DLG5: variants seen among roughly 807,000 people sequenced by gnomAD.
DLG5 encodes the protein disks large homolog 5.
Under a neutral mutation model 189.8 loss-of-function variants are expected in DLG5, and 48 were observed. That is an observed-to-expected ratio of 0.25 (90% CI 0.20 to 0.32). DLG5 has a LOEUF of 0.32. DLG5 is among the 10% of genes least tolerant of loss of function. The probability of loss-of-function intolerance (pLI) is 1.00; values close to 1 mark genes in which losing one functional copy is unlikely to be tolerated. For synonymous variants in DLG5, 1,016 were observed against 1,054.1 expected (o/e 0.96, Z 0.70); for missense variants, 2,160 against 2,544.7 (o/e 0.85, Z 3.25).
At chr10:77,804,176 G>A (rs192613802) in intron 27 of DLG5, among the ~76,000 whole-genome samples, 212 of 152,270 alleles carry the variant, frequency 1.4e-3, no homozygotes, top group Admixed American at 6.2e-3. Context: ...ACAGGCATGC[G>A]CCACCATGCC....
At chr10:77,864,464 TCAG>T (rs1844595712) in intron 2 of DLG5, among the ~76,000 whole-genome samples, 1 of 151,842 alleles carries the variant, frequency 6.6e-6, no homozygotes. Context: ...CACCTACAAC[TCAG>T]GACACCCAGA....
intron 5 of DLG5, among the ~76,000 whole-genome samples, chr10:77,844,806 G>T (rs1843603094): frequency 6.6e-6 from 1 of 152,240 alleles, no homozygotes; most frequent in South Asian, 2.1e-4. Context: ...GGCTGAAGAG[G>T]CTTCTTGAAG....
chr10:77,844,441 A>G (rs1843584651), intron 5 of DLG5, among the ~76,000 whole-genome samples: 1 of 152,198 alleles, frequency 6.6e-6, no homozygotes, highest in Non-Finnish European at 1.5e-5. Context: ...TACATACTGA[A>G]TCTTTTGAGT....
chr10:77,855,742 A>T (rs994899640), intron 3 of DLG5, among the ~76,000 whole-genome samples: 1 of 152,262 alleles, frequency 6.6e-6, no homozygotes, highest in Non-Finnish European at 1.5e-5. Context: ...CAGCTCTGGC[A>T]TAATCCCAGA....
At chr10:77,865,971 C>G (rs974116421) in intron 2 of DLG5, among the ~76,000 whole-genome samples, 3 of 152,182 alleles carry the variant, frequency 2.0e-5, no homozygotes, top group Non-Finnish European at 2.9e-5. Flanking sequence ...TTTTCCCAGC[C>G]GTTTCCATTT....
At chr10:77,867,921 A>C (rs990399132) in intron 2 of DLG5, 1 of 456,612 alleles carries the variant, frequency 2.2e-6, no homozygotes, top group East Asian at 6.9e-5. Flanking sequence ...CCTTATTAAA[A>C]GGGGAAATTT....
rs181466292 is a variant in DLG5 at position 77,894,047 on chromosome 10, G to C, written c.305-24850C>G. 2.0e-5 allele frequency among the ~76,000 whole-genome samples: 3 copies of C among 152,344 alleles called. No homozygotes were observed. In the East Asian group the frequency reaches 5.8e-4, roughly 29 times the overall value. ...GGAAGGCCTCACATAGGAAGCTGTG[G>C]GTGGAAGATGGTGCGTTTCTACTGC... On this transcript the variant is annotated intron_variant, in intron 1 of 31. Transcript: ENST00000372391.
chr10:77,938,171 T>C, the DLG5 span, among the ~76,000 whole-genome samples: 2 of 152,014 alleles, frequency 1.3e-5, no homozygotes, highest in Non-Finnish European at 2.9e-5. Context: ...AGGCAGGGCA[T>C]GGTGGCTCAT....
chr10:77,850,288 T>G (rs1260819118), intron 5 of DLG5, among the ~76,000 whole-genome samples: 13 of 152,232 alleles, frequency 8.5e-5, no homozygotes, highest in Admixed American at 8.5e-4. Context: ...TTCATGTACC[T>G]GGAATCATAG....
chr10:77,794,243 T>G, intron 30 of DLG5, 126 bp from the exon 31 acceptor site: 2 of 763,310 alleles, frequency 2.6e-6, no homozygotes, highest in Non-Finnish European at 4.4e-6. Context: ...CCCCATGTGC[T>G]CCCCACATAA....
In DLG5 at chr10:77,916,354, G is replaced by T. The variant is rs543569721; in HGVS notation, c.304+9863C>A. ...TGCCCAGGCTGGAGTGAAATGGCAC[G>T]ATCTCAGCTAACTGCAGCCTCTGCC... On this transcript the variant is annotated intron_variant, in intron 1 of 31. Coordinates refer to ENST00000372391, the MANE Select transcript of DLG5 (RefSeq NM_004747.4). Among the ~76,000 whole-genome samples, 10 of 151,840 alleles carry T rather than the reference G, an allele frequency of 6.6e-5. No homozygotes were observed. The South Asian group carries it at 2.1e-3, about 32-fold the overall frequency.
At chr10:77,933,745 T>C in the DLG5 span, among the ~76,000 whole-genome samples, 348 of 150,080 alleles carry the variant, frequency 2.3e-3, 4 homozygotes, top group African/African-American at 8.1e-3. Context: ...TTGCGTTTCT[T>C]TTCTATATTC....
intron 20 of DLG5, 82 bp downstream of exon 20, chr10:77,816,469 T>G: frequency 1.3e-6 from 2 of 1,596,628 alleles, no homozygotes; most frequent in Non-Finnish European, 1.7e-6. Context: ...ACTAAGCCCC[T>G]TCCCTGCAGA....
chr10:77,835,961 G>A lies in DLG5; in HGVS notation c.1438-39C>T, dbSNP rs751287993. ...GGGGCAGGAAGAGGGAGAGGTTGCT[G>A]AGCCTCATGGACCAGGAGCGCCTCC... On this transcript the variant is annotated intron_variant, in intron 7 of 31. Coordinates refer to ENST00000372391, the MANE Select transcript of DLG5 (RefSeq NM_004747.4). 21 of 1,584,088 alleles carry A rather than the reference G, an allele frequency of 1.3e-5. No individual in the cohort carries two copies. In the South Asian group the frequency reaches 2.2e-4, roughly 16 times the overall value.
At chr10:77,860,597 G>A (rs1477924131) in intron 2 of DLG5, among the ~76,000 whole-genome samples, 3 of 152,134 alleles carry the variant, frequency 2.0e-5, no homozygotes, top group Non-Finnish European at 4.4e-5. Context: ...CACTGCACCC[G>A]GCCATGCCTG....
chr10:77,835,836 C>A lies in DLG5; in HGVS notation c.1524G>T (p.Glu508Asp). 1 of 1,614,132 alleles carries A rather than the reference C, an allele frequency of 6.2e-7. No individual in the cohort carries two copies. The highest frequency in any genetic ancestry group is 8.5e-7 in the Non-Finnish European group (1 of 1,179,996). ...CCGCCTCCTGGAGGGCTTCCTTCAG[C>A]TCCTGGCACAGAGCCTTGCACTGCT... ...LRKQCKALCQ[E>D]LKEALQEADV... Residue 508 changes from glutamate (E) to aspartate (D), a missense_variant, in exon 8 of 32, where the codon GAG (glutamate) becomes GAT (aspartate). Coordinates refer to ENST00000372391, the MANE Select transcript of DLG5 (RefSeq NM_004747.4).
At chr10:77,804,875 T>C (rs1841392391) in intron 27 of DLG5, among the ~76,000 whole-genome samples, 2 of 152,176 alleles carry the variant, frequency 1.3e-5, no homozygotes, top group African/African-American at 2.4e-5. Flanking sequence ...TCAGCAGAGA[T>C]TGCTTCTTGC....
At position 77,821,123 on chromosome 10, in the gene DLG5, G is replaced by C; in HGVS notation, c.3361C>G (p.Pro1121Ala). The C allele has an allele frequency of 1.2e-6, 2 of 1,614,022 alleles. No homozygotes were observed. Among genetic ancestry groups the C allele is most frequent in the Non-Finnish European group, 1.7e-6 (2 of 1,180,022 alleles). The part of the protein sequence containing the change: ...RRPKSAPSFR[P>A]KLAPVVIPAQ... ...GGAATCACTACTGGAGCAAGCTTCG[G>C]CCGAAAACTGGGAGCAGATTTTGGC... The change falls in exon 15 of 32, where the codon CCG becomes GCG. Residue 1121 changes from proline to alanine, a missense_variant. Coordinates refer to ENST00000372391, the MANE Select transcript of DLG5 (RefSeq NM_004747.4).
At position 77,809,710 on chromosome 10, in the gene DLG5, T is replaced by C; in HGVS notation, c.4484A>G (p.Lys1495Arg). 6.2e-7 allele frequency: 1 copy of C among 1,613,228 alleles called. No homozygotes were observed. The highest frequency in any genetic ancestry group is 2.2e-5 in the East Asian group (1 of 44,876). Residue 1495 changes from lysine to arginine, a missense_variant, in exon 24 of 32, where the codon AAG (lysine) becomes AGG (arginine). Physicochemically the swap from Lys to Arg is conservative, Grantham distance 26. Transcript: ENST00000372391. ...GACAACGCGTGGCTCCAGGGTCTTC[T>C]TGTTGGCATCTCCCGCAATCCTTTC... ...SSSRIAGDAN[K>R]KTLEPRVVFI... is the part of the protein sequence containing the mutation.
Sources: allele counts gnomAD v4.1 joint callset (sites outside exome capture counted in the v4.1 genomes callset), GRCh38; gene constraint gnomAD v4.1.1; transcripts MANE v1.5; gene names NCBI Gene and HGNC (gene_info 2026-07-23, HGNC 2026-07-21).